The following MPHOSPH9 variants were observed in gnomAD, a reference collection of about 807,000 sequenced individuals.
MPHOSPH9 encodes the protein M-phase phosphoprotein 9.
MPHOSPH9 carries 88 observed loss-of-function variants against 145.5 expected under a neutral mutation model. That is an observed-to-expected ratio of 0.60 (90% CI 0.51 to 0.72). MPHOSPH9 has a LOEUF of 0.72. MPHOSPH9 is among the 30% of genes least tolerant of loss of function. MPHOSPH9 has a pLI of 0.00. For missense variants in MPHOSPH9, 1,238 were observed against 1,386.6 expected, an observed-to-expected ratio of 0.89 and a Z score of 1.70; for synonymous variants, 435 against 486.2, an observed-to-expected ratio of 0.89 and a Z score of 1.39.
chr12:123,215,866 T>C (rs772447516), intron 6 of MPHOSPH9, among the ~76,000 whole-genome samples: 1 of 152,232 alleles, frequency 6.6e-6, no homozygotes, highest in Non-Finnish European at 1.5e-5. Flanking sequence ...AATTAACACA[T>C]GAGCCTTATA....
chr12:123,175,572 C>T (rs1043094184), intron 16 of MPHOSPH9, among the ~76,000 whole-genome samples: 2 of 152,152 alleles, frequency 1.3e-5, no homozygotes, highest in Non-Finnish European at 2.9e-5. Flanking sequence ...TTAGGCTCTT[C>T]AAATATGCTA....
chr12:123,192,875 C>G (rs1284759946), intron 13 of MPHOSPH9, among the ~76,000 whole-genome samples: 1 of 151,026 alleles, frequency 6.6e-6, no homozygotes, highest in Non-Finnish European at 1.5e-5. Flanking sequence ...GTCAAGAAAT[C>G]GAGACCAGCC....
intron 1 of MPHOSPH9, among the ~76,000 whole-genome samples, chr12:123,241,587 A>G (rs10846487): frequency 0.64 from 97,172 of 152,054 alleles, 35,500 homozygotes; most frequent in East Asian, 1. Context: ...TGATCCACCT[A>G]CTTCAGCCTC....
upstream of MPHOSPH9, among the ~76,000 whole-genome samples, chr12:123,234,391 T>G (rs1476518706): frequency 6.6e-6 from 1 of 150,862 alleles, no homozygotes; most frequent in Non-Finnish European, 1.5e-5. Flanking sequence ...CTTTTTTTAT[T>G]TTTGTGGGGG....
At chr12:123,184,973 T>C (rs1386980716) in intron 13 of MPHOSPH9, among the ~76,000 whole-genome samples, 1 of 152,044 alleles carries the variant, frequency 6.6e-6, no homozygotes, top group African/African-American at 2.4e-5. Context: ...CCAGCTAATT[T>C]TTGTAGTTTT....
At chr12:123,185,401 A>G (rs1323251562) in intron 13 of MPHOSPH9, among the ~76,000 whole-genome samples, 2 of 152,152 alleles carry the variant, frequency 1.3e-5, no homozygotes, top group Non-Finnish European at 2.9e-5. Flanking sequence ...AAACTTCCAG[A>G]AAGAGAAAAA....
intron 15 of MPHOSPH9, among the ~76,000 whole-genome samples, chr12:123,177,701 T>C (rs1349407221): frequency 2.0e-5 from 3 of 152,170 alleles, no homozygotes; most frequent in Non-Finnish European, 4.4e-5. Context: ...GATCAAAACA[T>C]AACATTTATA....
rs56061451 is a variant in MPHOSPH9 at position 123,197,031 on chromosome 12, GTTTTTTTT to G, written c.2025+1208_2025+1215del. 1.8e-3 allele frequency among the ~76,000 whole-genome samples: 132 copies of G among 73,002 alleles called. 1 individual carries two copies. Among genetic ancestry groups the G allele is most frequent in the Non-Finnish European group, 6.5e-4 (26 of 39,842 alleles). 47.9% of individuals were successfully genotyped at this position (73,002 alleles called of 152,430 possible). ...GGGGGGTGACGGTTAAGGGGTGTGG[GTTTTTTTT>G]TTTTTTTTTTTTTTTTTTTTGAGGA... is the stretch of plus-strand genomic sequence containing the variant. On this transcript the variant is annotated intron_variant, in intron 12 of 23. Coordinates refer to ENST00000606320, the MANE Select transcript of MPHOSPH9 (RefSeq NM_022782.4).
At position 123,210,213 on chromosome 12, in the gene MPHOSPH9, T is replaced by C. The variant is rs762040621; in HGVS notation, c.1088-51A>G. On this transcript the variant is annotated intron_variant, in intron 7 of 23. Transcript: ENST00000606320. ...GAAAAGAGTGAGAAAAAAACAAAAA[T>C]GCTTTCTAGAATAACATTTCTACCT... 13 of 1,076,998 alleles carry C rather than the reference T, an allele frequency of 1.2e-5. 1 individual carries two copies. The highest frequency in any genetic ancestry group is 4.2e-4 in the Middle Eastern group (2 of 4,720). The allele number at this position is 1,076,998 out of a possible 1,614,324, so 66.7% of individuals were successfully genotyped here.
chr12:123,175,133 G>C (rs2044778491), intron 16 of MPHOSPH9, among the ~76,000 whole-genome samples: 1 of 151,592 alleles, frequency 6.6e-6, no homozygotes, highest in Non-Finnish European at 1.5e-5. Context: ...CTTCCCAATG[G>C]ACTTAGGGCA....
intron 9 of MPHOSPH9, 77 bp downstream of exon 9, chr12:123,203,173 G>A (rs2046293907): frequency 6.3e-7 from 1 of 1,591,380 alleles, no homozygotes. Flanking sequence ...ATCTCCTAGG[G>A]AAAATGAAGC....
intron 4 of MPHOSPH9, 74 bp downstream of exon 4, chr12:123,222,962 ATG>A (rs144990491): frequency 2.2e-3 from 1,556 of 698,594 alleles, no homozygotes; most frequent in South Asian, 4.4e-3. Context: ...GTATATATAT[ATG>A]TGTGTGTGTG....
chr12:123,204,088 A>C (rs1377831812), intron 8 of MPHOSPH9, among the ~76,000 whole-genome samples: 1 of 152,134 alleles, frequency 6.6e-6, no homozygotes, highest in African/African-American at 2.4e-5. Context: ...TGATCACTTG[A>C]AGTCGAGAGT....
chr12:123,221,434 T>C lies in MPHOSPH9; in HGVS notation c.810A>G (p.Glu270=), dbSNP rs368794022. Residue 270 remains glutamate (E), a synonymous_variant, in exon 5 of 24, where the codon GAA becomes GAG. Transcript: ENST00000606320. ...LKEDVSISPG[E]FEHNFLGENK... ...TTTCACCAAGAAAATTATGTTCAAATTCACCAGGAGAAATGGATACATCTT... is the reference window on the plus strand; with the variant it reads ...TTTCACCAAGAAAATTATGTTCAAACTCACCAGGAGAAATGGATACATCTT... The C allele has an allele frequency of 6.8e-6, 11 of 1,611,444 alleles. No individual in the cohort carries two copies. Among genetic ancestry groups the C allele is most frequent in the Admixed American group, 1.7e-5 (1 of 59,412 alleles).
At chr12:123,224,702 C>T (rs1565975718) in intron 3 of MPHOSPH9, among the ~76,000 whole-genome samples, 1 of 152,112 alleles carries the variant, frequency 6.6e-6, no homozygotes, top group East Asian at 1.9e-4. Flanking sequence ...GGGCAGTCCC[C>T]CATGATGAAG....
intron 7 of MPHOSPH9, among the ~76,000 whole-genome samples, chr12:123,213,837 A>G (rs891925047): frequency 1.3e-5 from 2 of 152,284 alleles, no homozygotes; most frequent in Non-Finnish European, 2.9e-5. Context: ...TTAACTTTTC[A>G]GAGGATCACT....
chr12:123,184,672 G>C (rs111915210), intron 13 of MPHOSPH9, among the ~76,000 whole-genome samples: 6,006 of 151,816 alleles, frequency 0.04, 385 homozygotes, highest in African/African-American at 0.14. Flanking sequence ...TAATTTTTTT[G>C]TATTTTTAGT....
At chr12:123,217,342 C>A (rs1369068916) in intron 6 of MPHOSPH9, among the ~76,000 whole-genome samples, 2 of 151,818 alleles carry the variant, frequency 1.3e-5, no homozygotes, top group African/African-American at 4.8e-5. Flanking sequence ...GGACTACAGG[C>A]GCATGCTACC....
intron 19 of MPHOSPH9, 167 bp from the exon 20 acceptor site, chr12:123,163,301 A>C: frequency 1.5e-6 from 1 of 680,152 alleles, no homozygotes; most frequent in Non-Finnish European, 2.3e-6. Context: ...CATAATCCTA[A>C]CACCTAGAGG....
Sources: allele counts gnomAD v4.1 joint callset (sites outside exome capture counted in the v4.1 genomes callset), GRCh38; gene constraint gnomAD v4.1.1; transcripts MANE v1.5; gene names NCBI Gene and HGNC (gene_info 2026-07-23, HGNC 2026-07-21).